The following TRIM49C variants were observed in gnomAD, a reference collection of about 807,000 sequenced individuals.
TRIM49C encodes the protein tripartite motif containing 49C, also known as tripartite motif-containing protein 49C.
TRIM49C carries 6 observed loss-of-function variants against 21.4 expected under a neutral mutation model. The ratio of observed to expected loss-of-function variants is 0.28; its 90% CI spans 0.15 to 0.55. The LOEUF is 0.55. Among genes scored for constraint, TRIM49C ranks in the 20% least tolerant of loss-of-function variants. TRIM49C has a pLI of 0.94. For synonymous variants in TRIM49C, 57 were observed against 148.1 expected (o/e 0.38, Z 4.47); for missense variants, 161 against 442.4 (o/e 0.36, Z 5.71).
chr11:90,038,582 G>T (rs1950743446), intron 5 of TRIM49C, 111 bp from the exon 6 acceptor site: 4 of 1,174,052 alleles, frequency 3.4e-6, no homozygotes, highest in Non-Finnish European at 4.6e-6. Flanking sequence ...CAGAAGAGAA[G>T]ATGGTAGGGA....
chr11:90,056,915 T>C, the TRIM49C span, among the ~76,000 whole-genome samples: 2 of 147,512 alleles, frequency 1.4e-5, no homozygotes, highest in Admixed American at 6.7e-5. Flanking sequence ...AACTAGGATG[T>C]TGAGAAATAA....
the TRIM49C span, chr11:90,071,582 T>C: frequency 3.8e-6 from 2 of 523,036 alleles, no homozygotes; most frequent in Non-Finnish European, 7.0e-6. Flanking sequence ...CATCCTAGGA[T>C]TGTGGAGGTA....
chr11:90,046,486 C>A (rs1402924998), downstream of TRIM49C, among the ~76,000 whole-genome samples: 1 of 124,648 alleles, frequency 8.0e-6, no homozygotes, highest in Non-Finnish European at 1.6e-5. Flanking sequence ...AGGGATTCAA[C>A]TTCTTCCTGG....
chr11:90,039,499 A>G (rs1234187598), intron 6 of TRIM49C, among the ~76,000 whole-genome samples: 1 of 132,260 alleles, frequency 7.6e-6, no homozygotes, highest in African/African-American at 2.7e-5. Context: ...TATCTTGAGA[A>G]GGAAGCAGTG....
chr11:90,064,303 G>T, the TRIM49C span, among the ~76,000 whole-genome samples: 4 of 151,388 alleles, frequency 2.6e-5, no homozygotes, highest in Admixed American at 2.6e-4. Context: ...GATGATTAGA[G>T]AGAACACTTT....
At chr11:90,052,593 G>T in the TRIM49C span, 1 of 144,078 alleles carries the variant, frequency 6.9e-6, no homozygotes, top group African/African-American at 2.5e-5. Context: ...TCCCCCAACC[G>T]CTCCCGGCAG....
At chr11:90,070,102 C>T in the TRIM49C span, among the ~76,000 whole-genome samples, 1 of 98,818 alleles carries the variant, frequency 1.0e-5, no homozygotes, top group Non-Finnish European at 2.0e-5. Context: ...CATATCCAGC[C>T]CTGTGACCCT....
the TRIM49C span, among the ~76,000 whole-genome samples, chr11:90,068,714 T>A: frequency 7.9e-6 from 1 of 126,810 alleles, no homozygotes; most frequent in African/African-American, 3.0e-5. Flanking sequence ...AAAGTGAAGC[T>A]GGCACAGTGG....
the TRIM49C span, among the ~76,000 whole-genome samples, chr11:90,062,210 T>C: frequency 7.3e-6 from 1 of 136,970 alleles, no homozygotes; most frequent in Non-Finnish European, 1.6e-5. Flanking sequence ...ATTCTAATAA[T>C]TTGGATGTGA....
At chr11:90,071,126 C>T in the TRIM49C span, 72 of 386,418 alleles carry the variant, frequency 1.9e-4, 12 homozygotes, top group African/African-American at 1.1e-3. Context: ...GAGTCGTTTT[C>T]TCTCTCTCTC....
chr11:90,073,391 C>A, the TRIM49C span: 2 of 604,844 alleles, frequency 3.3e-6, no homozygotes, highest in South Asian at 3.2e-5. Context: ...CCACAGATGA[C>A]AAGGATTAAG....
At chr11:90,053,063 C>T in the TRIM49C span, among the ~76,000 whole-genome samples, 3 of 139,990 alleles carry the variant, frequency 2.1e-5, no homozygotes, top group Admixed American at 7.8e-5. Flanking sequence ...CCTGGGCCAG[C>T]GGCATCAGCC....
chr11:90,070,294 C>T, the TRIM49C span, among the ~76,000 whole-genome samples: 1 of 107,954 alleles, frequency 9.3e-6, no homozygotes, highest in Non-Finnish European at 1.8e-5. Flanking sequence ...CTGATATTCT[C>T]ACAGATGTAA....
At chr11:90,046,948 A>C (rs1307605577), downstream of TRIM49C, among the ~76,000 whole-genome samples, 1 of 124,930 alleles carries the variant, frequency 8.0e-6, no homozygotes, top group Non-Finnish European at 1.6e-5. Flanking sequence ...AATGTGTCCC[A>C]GAGATTGCAG....
chr11:90,071,662 A>G, the TRIM49C span: 1 of 1,108,624 alleles, frequency 9.0e-7, no homozygotes, highest in Non-Finnish European at 1.3e-6. Flanking sequence ...CACAGACATC[A>G]GAAACTTAAC....
At chr11:90,059,901 C>T in the TRIM49C span, among the ~76,000 whole-genome samples, 1,416 of 142,152 alleles carry the variant, frequency 1.0e-2, 7 homozygotes, top group African/African-American at 0.036. Flanking sequence ...TCTCTCCTCC[C>T]TCTGTCTTTT....
At chr11:90,045,973 A>C (rs1950798869), downstream of TRIM49C, among the ~76,000 whole-genome samples, 2 of 121,130 alleles carry the variant, frequency 1.7e-5, 1 homozygote, top group African/African-American at 6.7e-5. Context: ...CAATTTATTG[A>C]GAGGTTTTAG....
Position 90,038,674 on chromosome 11 carries a change from T to G in TRIM49C, c.739-19T>G. 3 of 1,030,816 alleles carry G rather than the reference T, an allele frequency of 2.9e-6. 1 individual carries two copies. The East Asian group carries it at 9.6e-5, about 33-fold the overall frequency. 63.9% of individuals were successfully genotyped at this position (1,030,816 alleles called of 1,614,324 possible). A position where few individuals can be genotyped will look rare whatever the true frequency, so the allele number is the denominator to read the frequency against. Reference sequence around the variant, plus strand: ...TCTTGTGAAATGCACTAAATCTTTCTTCTTTTTTTTTTTTTCAGGCTTTTG... The same window carrying G: ...TCTTGTGAAATGCACTAAATCTTTCGTCTTTTTTTTTTTTTCAGGCTTTTG... On this transcript the variant is annotated intron_variant, in intron 5 of 7. Coordinates refer to ENST00000448984, the MANE Select transcript of TRIM49C (RefSeq NM_001195234.1).
At chr11:90,046,772 T>A, downstream of TRIM49C, among the ~76,000 whole-genome samples, 1 of 124,768 alleles carries the variant, frequency 8.0e-6, no homozygotes, top group Middle Eastern at 3.6e-3. Context: ...TCTCCTTCAG[T>A]TCTGCTCTGA....
Sources: allele counts gnomAD v4.1 joint callset (sites outside exome capture counted in the v4.1 genomes callset), GRCh38; gene constraint gnomAD v4.1.1; transcripts MANE v1.5; gene names NCBI Gene and HGNC (gene_info 2026-07-23, HGNC 2026-07-21).